PGAP1: variants seen among roughly 807,000 people sequenced by gnomAD.
PGAP1 encodes the protein GPI inositol-deacylase.
In PGAP1, 76 loss-of-function variants were observed where a neutral mutation model predicts 127.0. That is an observed-to-expected ratio of 0.60 (90% confidence interval 0.50 to 0.72). PGAP1 has a LOEUF of 0.72. Among genes scored for constraint, PGAP1 ranks in the 30% least tolerant of loss-of-function variants. PGAP1 has a pLI of 0.00. For missense variants in PGAP1, 982 were observed against 1,071.3 expected (o/e 0.92, Z 1.16); for synonymous variants, 362 against 366.5 (o/e 0.99, Z 0.14).
rs1401062298 is a variant in PGAP1 at position 196,837,819 on chromosome 2, A to T, written c.*3415T>A. On this transcript the variant is annotated 3_prime_UTR_variant, in exon 27 of 27. Transcript: ENST00000354764. The stretch of plus-strand genomic sequence containing the variant: ...TGTAGATTAGTAGTATAGTTCACTC[A>T]AGAAGGGGTATTCCATTATATAGAT... 6.6e-6 allele frequency: 1 copy of T among 152,150 alleles called. No homozygotes were observed. The highest frequency in any genetic ancestry group is 1.9e-4 in the East Asian group (1 of 5,196). The allele number at this position is 152,150 out of a possible 1,614,324, so 9.4% of individuals were successfully genotyped here.
At chr2:196,864,415 A>AAAAAC (rs1188656265) in intron 20 of PGAP1, among the ~76,000 whole-genome samples, 35 of 149,420 alleles carry the variant, frequency 2.3e-4, no homozygotes, top group African/African-American at 8.4e-4. Flanking sequence ...AAAAAAAAAA[A>AAAAAC]GGCATTTGAT....
intron 20 of PGAP1, among the ~76,000 whole-genome samples, chr2:196,861,321 A>C (rs57609030): frequency 0.1 from 15,584 of 152,210 alleles, 957 homozygotes; most frequent in African/African-American, 0.17. Context: ...AAGCAAAATG[A>C]GATAATATCA....
intron 20 of PGAP1, among the ~76,000 whole-genome samples, chr2:196,853,047 A>G (rs934366867): frequency 6.6e-6 from 1 of 152,240 alleles, no homozygotes; most frequent in Non-Finnish European, 1.5e-5. Flanking sequence ...TAGAAGCAGC[A>G]AGGCTTTCTT....
intron 20 of PGAP1, among the ~76,000 whole-genome samples, chr2:196,863,012 T>C (rs532192439): frequency 6.6e-6 from 1 of 152,198 alleles, no homozygotes; most frequent in East Asian, 1.9e-4. Context: ...AAAACCACAA[T>C]GAGATATTAC....
At chr2:196,864,824 T>A (rs1270740709) in intron 20 of PGAP1, among the ~76,000 whole-genome samples, 163 bp downstream of exon 20, 5 of 152,136 alleles carry the variant, frequency 3.3e-5, no homozygotes, top group African/African-American at 1.2e-4. Context: ...GTGGCATAAT[T>A]ATAAAAAAAT....
chr2:196,869,936 C>CA (rs983014699), intron 19 of PGAP1, among the ~76,000 whole-genome samples: 5 of 151,116 alleles, frequency 3.3e-5, no homozygotes, highest in African/African-American at 1.2e-4. Context: ...TACAACAGAC[C>CA]AAAAAAAAGT....
chr2:196,885,535 T>C (rs1307756801), intron 11 of PGAP1, 60 bp from the exon 12 acceptor site: 3 of 1,235,170 alleles, frequency 2.4e-6, no homozygotes, highest in Non-Finnish European at 3.5e-6. Context: ...TTACAAATTA[T>C]AAATAAGATT....
intron 3 of PGAP1, among the ~76,000 whole-genome samples, chr2:196,915,390 C>A (rs139436192): frequency 4.9e-4 from 74 of 152,290 alleles, no homozygotes; most frequent in African/African-American, 1.7e-3. Flanking sequence ...TGAACTCTAG[C>A]CTTGAACTCC....
chr2:196,914,614 TG>T (rs1702939592), intron 3 of PGAP1, among the ~76,000 whole-genome samples: 2 of 128,592 alleles, frequency 1.6e-5, no homozygotes, highest in Admixed American at 1.8e-4. Flanking sequence ...AGTGAGACCC[TG>T]TCTCAAACAA....
Position 196,892,328 on chromosome 2 carries a change from C to A in PGAP1, c.1089+18G>T. The A allele has an allele frequency of 7.8e-7, 1 of 1,279,110 alleles. No homozygotes were observed. 79.2% of individuals were successfully genotyped at this position (1,279,110 alleles called of 1,614,324 possible). A position where few individuals can be genotyped will look rare whatever the true frequency, so the allele number is the denominator to read the frequency against. ...TCTGGAAAAAACATGAAAAAAAATC[C>A]ATTGGTGGAATACTTACGTTGTAAG... is the stretch of plus-strand genomic sequence containing the variant. On this transcript the variant is annotated intron_variant, in intron 9 of 26. Coordinates refer to ENST00000354764, the MANE Select transcript of PGAP1 (RefSeq NM_024989.4).
At chr2:196,923,853 G>T (rs888240729) in intron 1 of PGAP1, among the ~76,000 whole-genome samples, 1 of 152,048 alleles carries the variant, frequency 6.6e-6, no homozygotes, top group Non-Finnish European at 1.5e-5. Flanking sequence ...TTACACATAC[G>T]AAGATAGCCA....
rs1347379781 is a variant in PGAP1 at position 196,838,365 on chromosome 2, C to T, written c.*2869G>A. On this transcript the variant is annotated 3_prime_UTR_variant, in exon 27 of 27. Transcript: ENST00000354764. ...AATAGGGCAGTGCTGTTTAACCAGC[C>T]AATAATATAGATTGTGGGCATGATG... 1 of 151,998 alleles carries T rather than the reference C, an allele frequency of 6.6e-6. No homozygotes were observed. The highest frequency in any genetic ancestry group is 2.4e-5 in the African/African-American group (1 of 41,366). The allele number at this position is 151,998 out of a possible 1,614,324, so 9.4% of individuals were successfully genotyped here.
At chr2:196,884,880 C>T (rs947918834) in intron 12 of PGAP1, among the ~76,000 whole-genome samples, 2 of 152,218 alleles carry the variant, frequency 1.3e-5, no homozygotes, top group Admixed American at 6.5e-5. Context: ...CGCAAATAAG[C>T]CCTTTATAAA....
Position 196,894,598 on chromosome 2 carries a change from C to A in PGAP1, c.928-1353G>T, listed in dbSNP as rs1243161377. On this transcript the variant is annotated intron_variant, in intron 7 of 26. Transcript: ENST00000354764. ...CGGGTGGATCACAAGGTCAGGAGAT[C>A]GAGACCATCCTGGCTAACACGTAGA... 2.6e-5 allele frequency among the ~76,000 whole-genome samples: 4 copies of A among 152,042 alleles called. No homozygotes were observed. The East Asian group carries it at 7.7e-4, about 29-fold the overall frequency.
chr2:196,848,405 T>C (rs1193622585), intron 20 of PGAP1, among the ~76,000 whole-genome samples: 1 of 152,192 alleles, frequency 6.6e-6, no homozygotes, highest in Non-Finnish European at 1.5e-5. Context: ...TGTACATCTA[T>C]CACCACAGTC....
intron 26 of PGAP1, among the ~76,000 whole-genome samples, chr2:196,841,579 G>A (rs544656973): frequency 4.7e-4 from 71 of 152,192 alleles, no homozygotes; most frequent in Middle Eastern, 3.4e-3. Flanking sequence ...GTGCAGTGGC[G>A]CAATCTCGGC....
chr2:196,873,710 T>C lies in PGAP1; in HGVS notation c.1475A>G (p.Asn492Ser), dbSNP rs199809707. The change falls in exon 15 of 27, where the codon AAT becomes AGT. Residue 492 changes from asparagine to serine, a missense_variant. Coordinates refer to ENST00000354764, the MANE Select transcript of PGAP1 (RefSeq NM_024989.4). ...VVLNTNGLYY[N>S]LELLNFGQIY... Reference sequence around the variant, plus strand: ...CTGTCCAAAGTTCAGAAGCTCTAGATTGTAGTATAGGCCATTTGTATTTAA... The same window carrying C: ...CTGTCCAAAGTTCAGAAGCTCTAGACTGTAGTATAGGCCATTTGTATTTAA... 218 of 1,612,048 alleles carry C rather than the reference T, an allele frequency of 1.4e-4. 1 individual carries two copies. In the Middle Eastern group the frequency reaches 2.1e-3, roughly 16 times the overall value.
At chr2:196,864,456 T>C (rs1048293292) in intron 20 of PGAP1, among the ~76,000 whole-genome samples, 1 of 151,488 alleles carries the variant, frequency 6.6e-6, no homozygotes, top group African/African-American at 2.4e-5. Context: ...AATTTTTTGA[T>C]GTGTATTATG....
At chr2:196,882,704 T>C (rs1701771313) in intron 12 of PGAP1, among the ~76,000 whole-genome samples, 1 of 152,246 alleles carries the variant, frequency 6.6e-6, no homozygotes, top group African/African-American at 2.4e-5. Flanking sequence ...ATTGATTTTG[T>C]ATCATGATAA....
Sources: allele counts gnomAD v4.1 joint callset (sites outside exome capture counted in the v4.1 genomes callset), GRCh38; gene constraint gnomAD v4.1.1; transcripts MANE v1.5; gene names NCBI Gene and HGNC (gene_info 2026-07-23, HGNC 2026-07-21).